Variants in NECAB1 observed in about 807,000 individuals in gnomAD.
The protein encoded by NECAB1 is N-terminal EF-hand calcium-binding protein 1.
A neutral mutation model predicts 57.5 loss-of-function variants in NECAB1; 29 were observed. That is an observed-to-expected ratio of 0.50 (90% CI 0.38 to 0.69). The LOEUF (loss-of-function observed/expected upper bound fraction) is 0.69. Among genes scored for constraint, NECAB1 ranks in the 30% least tolerant of loss-of-function variants. The probability of loss-of-function intolerance (pLI) is 0.00; values close to 1 mark genes in which losing one functional copy is unlikely to be tolerated. For missense variants in NECAB1, 372 were observed against 413.8 expected, an observed-to-expected ratio of 0.90 and a Z score of 0.88; for synonymous variants, 142 against 147.7, an observed-to-expected ratio of 0.96 and a Z score of 0.28.
chr8:90,835,989 G>A lies in NECAB1; in HGVS notation c.233+11164G>A, dbSNP rs1049730674. Among the ~76,000 whole-genome samples the A allele has an allele frequency of 6.6e-5, 10 of 152,234 alleles. No homozygotes were observed. In the Middle Eastern group the frequency reaches 0.01, roughly 155 times the overall value. On this transcript the variant is annotated intron_variant, in intron 3 of 12. Transcript: ENST00000417640. ...AACTGATTCCTTTTGTTTGGGAGGA[G>A]GATAAATGATAAATTTGACTTTAGA... is the stretch of plus-strand genomic sequence containing the variant.
intron 3 of NECAB1, among the ~76,000 whole-genome samples, chr8:90,827,040 G>C (rs907412119): frequency 2.0e-5 from 3 of 151,924 alleles, no homozygotes; most frequent in Non-Finnish European, 4.4e-5. Flanking sequence ...AGGGATATCA[G>C]TGTCAGTCTT....
At chr8:90,837,289 T>C (rs1178188010) in intron 3 of NECAB1, among the ~76,000 whole-genome samples, 1 of 152,198 alleles carries the variant, frequency 6.6e-6, no homozygotes, top group Non-Finnish European at 1.5e-5. Context: ...CCACAGTGGA[T>C]GCTTAAAACT....
chr8:90,852,591 C>T (rs1212045127), intron 3 of NECAB1, among the ~76,000 whole-genome samples: 2 of 152,184 alleles, frequency 1.3e-5, no homozygotes, highest in Non-Finnish European at 2.9e-5. Context: ...CCCTGCCCTC[C>T]ATCCTCTGCC....
intron 2 of NECAB1, 82 bp from the exon 3 acceptor site, chr8:90,824,635 T>G: frequency 1.2e-6 from 1 of 847,528 alleles, no homozygotes; most frequent in Non-Finnish European, 1.8e-6. Flanking sequence ...TGAACAAGCG[T>G]TTGGGTGAAG....
intron 8 of NECAB1, among the ~76,000 whole-genome samples, chr8:90,932,718 C>T (rs1810439468): frequency 1.3e-5 from 2 of 152,178 alleles, no homozygotes; most frequent in African/African-American, 2.4e-5. Flanking sequence ...CTATTATTAA[C>T]AGGCATATGT....
intron 5 of NECAB1, among the ~76,000 whole-genome samples, chr8:90,881,487 C>A (rs1473320568): frequency 1.3e-5 from 2 of 152,158 alleles, no homozygotes; most frequent in East Asian, 3.9e-4. Flanking sequence ...ATGATTGGAT[C>A]ATGGATCACC....
At chr8:90,857,919 T>C (rs1401104073) in intron 3 of NECAB1, among the ~76,000 whole-genome samples, 1 of 152,172 alleles carries the variant, frequency 6.6e-6, no homozygotes, top group African/African-American at 2.4e-5. Flanking sequence ...GAATATAAGA[T>C]TGAAATTTAA....
In NECAB1 at chr8:90,906,885, A is replaced by ATATATGTATATATATATATATGTATGTG. The variant is rs1554574061; in HGVS notation, c.358-10602_358-10601insGTATATATATATATATGTATGTGTATAT. ...TTACATATGATATACACATATATATATATATATATATATATATATATATAT... is the reference window on the plus strand; with the variant it reads ...TTACATATGATATACACATATATATATATATGTATATATATATATATGTATGTGTATATATATATATATATATATATAT... On this transcript the variant is annotated intron_variant, in intron 5 of 12. Coordinates refer to ENST00000417640, the MANE Select transcript of NECAB1 (RefSeq NM_022351.5). 1.1e-3 allele frequency among the ~76,000 whole-genome samples: 136 copies of ATATATGTATATATATATATATGTATGTG among 120,914 alleles called. 4 individuals carry two copies. The highest frequency in any genetic ancestry group is 3.8e-3 in the Middle Eastern group (1 of 260). The allele number at this position is 120,914 out of a possible 152,430, so 79.3% of individuals were successfully genotyped here. A position where few individuals can be genotyped will look rare whatever the true frequency, so the allele number is the denominator to read the frequency against.
At chr8:90,867,409 G>A (rs528690114) in intron 3 of NECAB1, among the ~76,000 whole-genome samples, 48 of 152,232 alleles carry the variant, frequency 3.2e-4, no homozygotes, top group East Asian at 1.9e-4. Flanking sequence ...AAAACACTAC[G>A]ATTAGGAAAT....
At chr8:90,935,395 T>C (rs1810511601) in intron 9 of NECAB1, among the ~76,000 whole-genome samples, 1 of 152,194 alleles carries the variant, frequency 6.6e-6, no homozygotes. Context: ...GATTTGTCAC[T>C]GCATGTCTAG....
intron 3 of NECAB1, among the ~76,000 whole-genome samples, chr8:90,865,709 A>C (rs1808500220): frequency 6.6e-6 from 1 of 152,184 alleles, no homozygotes; most frequent in African/African-American, 2.4e-5. Context: ...TTCCTCTAGA[A>C]GCAAGGCCTG....
chr8:90,867,968 G>C (rs1446545182), intron 3 of NECAB1, among the ~76,000 whole-genome samples: 1 of 152,188 alleles, frequency 6.6e-6, no homozygotes, highest in African/African-American at 2.4e-5. Flanking sequence ...GAAACCTGGG[G>C]AGAGGTGATT....
intron 9 of NECAB1, among the ~76,000 whole-genome samples, chr8:90,936,092 A>G (rs1160294694): frequency 1.3e-5 from 2 of 152,156 alleles, no homozygotes; most frequent in Non-Finnish European, 2.9e-5. Flanking sequence ...ATTACTATAA[A>G]TTCCTGTAAA....
At chr8:90,803,202 G>C (rs997044864) in intron 2 of NECAB1, among the ~76,000 whole-genome samples, 2 of 152,114 alleles carry the variant, frequency 1.3e-5, no homozygotes, top group Non-Finnish European at 2.9e-5. Context: ...CGGCCCATTT[G>C]ATTACTTTTA....
chr8:90,822,703 C>T (rs948124160), intron 2 of NECAB1, among the ~76,000 whole-genome samples: 3 of 151,796 alleles, frequency 2.0e-5, no homozygotes, highest in African/African-American at 7.2e-5. Flanking sequence ...GGTGCACAGG[C>T]AACCCAAGTG....
chr8:90,906,889 A>ATATATATATATG (rs1809677329), intron 5 of NECAB1, among the ~76,000 whole-genome samples: 4 of 72,856 alleles, frequency 5.5e-5, no homozygotes, highest in African/African-American at 2.3e-4. Flanking sequence ...ATATATATAT[A>ATATATATATATG]TATATATATA....
At chr8:90,844,944 A>G (rs1812527985) in intron 3 of NECAB1, among the ~76,000 whole-genome samples, 1 of 152,228 alleles carries the variant, frequency 6.6e-6, no homozygotes, top group African/African-American at 2.4e-5. Context: ...ATTGGTTTAC[A>G]CGATTATGAA....
At chr8:90,852,877 T>C (rs749171389) in intron 3 of NECAB1, among the ~76,000 whole-genome samples, 1 of 152,198 alleles carries the variant, frequency 6.6e-6, no homozygotes, top group Non-Finnish European at 1.5e-5. Context: ...TCCTGAACAC[T>C]GGACAAGAGC....
chr8:90,931,791 C>T (rs1013957472), intron 8 of NECAB1, among the ~76,000 whole-genome samples: 1 of 152,124 alleles, frequency 6.6e-6, no homozygotes, highest in Non-Finnish European at 1.5e-5. Flanking sequence ...GTAATCCCAG[C>T]TACTTGGGAG....
Sources: allele counts gnomAD v4.1 joint callset (sites outside exome capture counted in the v4.1 genomes callset), GRCh38; gene constraint gnomAD v4.1.1; transcripts MANE v1.5; gene names NCBI Gene and HGNC (gene_info 2026-07-23, HGNC 2026-07-21).